Variants in BACH2 observed in about 807,000 individuals in gnomAD.
The protein encoded by BACH2 is BACH transcriptional regulator 2, also known as transcription regulator protein BACH2.
Under a neutral mutation model 61.8 loss-of-function variants are expected in BACH2, and 5 were observed. The ratio of observed to expected loss-of-function variants is 0.08; its 90% confidence interval spans 0.04 to 0.17. BACH2 has a LOEUF of 0.17. BACH2 is among the 10% of genes least tolerant of loss of function. The pLI is 1.00. For synonymous variants in BACH2, 446 were observed against 440.1 expected, an observed-to-expected ratio of 1.01 and a Z score of -0.17; for missense variants, 824 against 1,091.1, an observed-to-expected ratio of 0.76 and a Z score of 3.45.
chr6:90,224,967 T>C (rs1435017650), intron 3 of BACH2, among the ~76,000 whole-genome samples: 1 of 152,190 alleles, frequency 6.6e-6, no homozygotes, highest in East Asian at 1.9e-4. Context: ...AAATTTGAAA[T>C]ACATTATTCA....
At chr6:90,038,399 A>G (rs1056657563) in intron 5 of BACH2, among the ~76,000 whole-genome samples, 6 of 152,184 alleles carry the variant, frequency 3.9e-5, no homozygotes, top group Non-Finnish European at 7.3e-5. Context: ...ACTTTAAAGA[A>G]ATAATATATA....
intron 3 of BACH2, among the ~76,000 whole-genome samples, chr6:90,249,676 G>A (rs1456322904): frequency 1.3e-5 from 2 of 152,140 alleles, no homozygotes; most frequent in Non-Finnish European, 2.9e-5. Flanking sequence ...AGAGGCTGAC[G>A]TGGGGGAATC....
At chr6:90,158,203 G>A (rs1242198429) in intron 4 of BACH2, among the ~76,000 whole-genome samples, 1 of 152,114 alleles carries the variant, frequency 6.6e-6, no homozygotes, top group Non-Finnish European at 1.5e-5. Flanking sequence ...GTAGGCAGGA[G>A]CCAGTCCATA....
At chr6:90,020,830 G>A (rs1199079319) in intron 5 of BACH2, among the ~76,000 whole-genome samples, 1 of 152,056 alleles carries the variant, frequency 6.6e-6, no homozygotes, top group Non-Finnish European at 1.5e-5. Flanking sequence ...TCTGCAGCAG[G>A]ACCCATGGGA....
chr6:89,983,901 C>T (rs1776095394), intron 6 of BACH2, among the ~76,000 whole-genome samples: 1 of 152,182 alleles, frequency 6.6e-6, no homozygotes, highest in African/African-American at 2.4e-5. Context: ...GGGGATAACA[C>T]ACATGCTTAT....
At chr6:90,295,935 A>T in intron 1 of BACH2, among the ~76,000 whole-genome samples, 1 of 152,108 alleles carries the variant, frequency 6.6e-6, no homozygotes. Context: ...GCTGAGCGCA[A>T]AGGCGCCGCG....
Position 90,056,859 on chromosome 6 carries a change from C to A in BACH2, c.-13+32102G>T, listed in dbSNP as rs185267822. ...AACTACATGGAAACTGAACAACCTG[C>A]TCCTGAATGACTACTGGGTAAATAA... On this transcript the variant is annotated intron_variant, in intron 5 of 8. Transcript: ENST00000257749. Among the ~76,000 whole-genome samples, 4 of 152,300 alleles carry A rather than the reference C, an allele frequency of 2.6e-5. No homozygotes were observed. The East Asian group carries it at 7.7e-4, about 29-fold the overall frequency.
intron 4 of BACH2, among the ~76,000 whole-genome samples, chr6:90,159,123 C>T (rs755616469): frequency 6.6e-6 from 1 of 152,190 alleles, no homozygotes. Flanking sequence ...CTCAGATAAA[C>T]TTGTCTCTTT....
intron 6 of BACH2, among the ~76,000 whole-genome samples, chr6:89,985,055 A>AG (rs1226780262): frequency 6.6e-6 from 1 of 152,056 alleles, no homozygotes; most frequent in Admixed American, 6.6e-5. Context: ...TTTTCCAGGG[A>AG]TAGGACTGTG....
chr6:90,122,580 T>C (rs1222576135), intron 4 of BACH2, among the ~76,000 whole-genome samples: 5 of 152,236 alleles, frequency 3.3e-5, no homozygotes, highest in East Asian at 1.9e-4. Context: ...ATAGACTTAC[T>C]ATGACATTTT....
At chr6:90,095,398 G>C (rs1782342373) in intron 4 of BACH2, among the ~76,000 whole-genome samples, 1 of 152,182 alleles carries the variant, frequency 6.6e-6, no homozygotes, top group African/African-American at 2.4e-5. Flanking sequence ...AAGAAGTGGG[G>C]AGGGAGATGC....
At chr6:90,182,368 C>T (rs1582458044) in intron 4 of BACH2, among the ~76,000 whole-genome samples, 1 of 152,192 alleles carries the variant, frequency 6.6e-6, no homozygotes, top group Non-Finnish European at 1.5e-5. Flanking sequence ...GCTGGGAAAA[C>T]CCTTCCATAT....
At chr6:90,151,901 G>A (rs1784825479) in intron 4 of BACH2, among the ~76,000 whole-genome samples, 1 of 152,064 alleles carries the variant, frequency 6.6e-6, no homozygotes, top group Non-Finnish European at 1.5e-5. Context: ...ATTCTTTTAC[G>A]ATTTGTTAAT....
chr6:90,125,451 T>C (rs945811879), intron 4 of BACH2, among the ~76,000 whole-genome samples: 2 of 152,226 alleles, frequency 1.3e-5, no homozygotes, highest in Non-Finnish European at 2.9e-5. Flanking sequence ...GATTATCCTC[T>C]GCCGTCAGGA....
chr6:90,207,168 G>C (rs1010951122), intron 3 of BACH2, among the ~76,000 whole-genome samples: 8 of 152,008 alleles, frequency 5.3e-5, no homozygotes, highest in Non-Finnish European at 8.8e-5. Context: ...GCCCAGGTTT[G>C]AGTGCAGTGG....
intron 3 of BACH2, among the ~76,000 whole-genome samples, chr6:90,238,949 A>C (rs970485816): frequency 2.0e-5 from 3 of 152,126 alleles, no homozygotes; most frequent in Admixed American, 1.3e-4. Context: ...CTCACTTCCT[A>C]TTTTGAAAAT....
intron 3 of BACH2, among the ~76,000 whole-genome samples, chr6:90,212,656 C>T (rs372251388): frequency 1.8e-4 from 28 of 152,276 alleles, no homozygotes; most frequent in Admixed American, 6.5e-4. Context: ...AACAGCCTTC[C>T]TCCCCAAGGA....
chr6:90,219,964 T>G (rs555500681), intron 3 of BACH2, among the ~76,000 whole-genome samples: 2 of 147,550 alleles, frequency 1.4e-5, no homozygotes, highest in South Asian at 2.1e-4. Context: ...TTTTTCTGAG[T>G]TTTTTTTTTT....
intron 5 of BACH2, among the ~76,000 whole-genome samples, chr6:90,084,109 G>T (rs897219394): frequency 2.6e-5 from 4 of 151,922 alleles, no homozygotes; most frequent in African/African-American, 4.8e-5. Flanking sequence ...GGGAGGGAAG[G>T]GGAGGGGGTG....
Sources: allele counts gnomAD v4.1 joint callset (sites outside exome capture counted in the v4.1 genomes callset), GRCh38; gene constraint gnomAD v4.1.1; transcripts MANE v1.5; gene names NCBI Gene and HGNC (gene_info 2026-07-23, HGNC 2026-07-21).